Variants in XRRA1 observed in about 807,000 individuals in gnomAD.
The protein encoded by XRRA1 is X-ray radiation resistance-associated protein 1.
XRRA1 carries 69 observed loss-of-function variants against 80.2 expected under a neutral mutation model. The ratio of observed to expected loss-of-function variants is 0.86; its 90% confidence interval spans 0.71 to 1.05. XRRA1 has a LOEUF of 1.05. Ranked by LOEUF, XRRA1 falls within the 50% of genes least tolerant of loss-of-function variation. XRRA1 has a pLI of 0.00. For missense variants in XRRA1, 967 were observed against 976.4 expected, an observed-to-expected ratio of 0.99 and a Z score of 0.13; for synonymous variants, 348 against 389.9, an observed-to-expected ratio of 0.89 and a Z score of 1.27.
intron 7 of XRRA1, 144 bp from the exon 8 acceptor site, chr11:74,921,491 T>G: frequency 5.4e-6 from 6 of 1,109,524 alleles, no homozygotes; most frequent in Non-Finnish European, 7.6e-6. Flanking sequence ...ATTCAAGGTC[T>G]ACTAGAGTCA....
intron 14 of XRRA1, 52 bp downstream of exon 14, chr11:74,851,036 A>G (rs2039689841): frequency 1.4e-6 from 2 of 1,476,466 alleles, no homozygotes; most frequent in Non-Finnish European, 1.9e-6. Flanking sequence ...TGCATACATT[A>G]TAATAGGCTG....
intron 6 of XRRA1, among the ~76,000 whole-genome samples, chr11:74,929,884 A>G (rs1180870681): frequency 6.6e-6 from 1 of 152,066 alleles, no homozygotes; most frequent in African/African-American, 2.4e-5. Flanking sequence ...GACTGTATGC[A>G]CTCATTTCTA....
At chr11:74,911,369 G>C (rs890191554) in intron 8 of XRRA1, 26 of 152,094 alleles carry the variant, frequency 1.7e-4, no homozygotes, top group African/African-American at 6.3e-4. Context: ...GAGTGACCAT[G>C]CCTGGCCAAC....
chr11:74,881,378 C>G (rs2047537050), intron 10 of XRRA1, among the ~76,000 whole-genome samples: 2 of 151,150 alleles, frequency 1.3e-5, no homozygotes. Flanking sequence ...AGATGGGTTT[C>G]CTGAATACAG....
At position 74,843,063 on chromosome 11, in the gene XRRA1, TG is replaced by T; in HGVS notation, c.*136del. On this transcript the variant is annotated 3_prime_UTR_variant, in exon 19 of 19. Transcript: ENST00000684022. ...ATCCTGACAAGGGGATGCCACCTTGTGGCCAGCAAGTGGGGCCCAGCTGAGC... is the reference window on the plus strand; with the variant it reads ...ATCCTGACAAGGGGATGCCACCTTGTGCCAGCAAGTGGGGCCCAGCTGAGC... 8.2e-7 allele frequency: 1 copy of T among 1,226,878 alleles called. No individual in the cohort carries two copies. The highest frequency in any genetic ancestry group is 1.1e-6 in the Non-Finnish European group (1 of 908,282). 76.0% of individuals were successfully genotyped at this position (1,226,878 alleles called of 1,614,324 possible).
At position 74,906,349 on chromosome 11, in the gene XRRA1, G is replaced by T. The variant is rs763103269; in HGVS notation, c.893C>A (p.Pro298His). 6.2e-6 allele frequency: 10 copies of T among 1,613,816 alleles called. No individual in the cohort carries two copies. In the African/African-American group the frequency reaches 1.3e-4, roughly 22 times the overall value. Residue 298 changes from proline to histidine, a missense_variant, in exon 10 of 19, where the codon CCC (proline) becomes CAC (histidine). Physicochemically the swap from Pro to His is moderately conservative, Grantham distance 77 (BLOSUM62 -2). Coordinates refer to ENST00000684022, the MANE Select transcript of XRRA1 (RefSeq NM_001378157.1). ...CAGCATGAATTGGGGCTCTTTATGGGGACTTCCCCTGCCTCCATTCCAGTC... is the reference window on the plus strand; with the variant it reads ...CAGCATGAATTGGGGCTCTTTATGGTGACTTCCCCTGCCTCCATTCCAGTC... The part of the protein sequence containing the change: ...SVDWNGGRGS[P>H]HKEPQFMLQS...
chr11:74,912,331 T>C (rs2138485015), intron 8 of XRRA1, among the ~76,000 whole-genome samples: 1 of 152,318 alleles, frequency 6.6e-6, no homozygotes, highest in Admixed American at 6.5e-5. Context: ...ATTATGGCGC[T>C]AAGATTTGAA....
At chr11:74,858,398 A>C (rs2041605857) in intron 12 of XRRA1, among the ~76,000 whole-genome samples, 1 of 152,232 alleles carries the variant, frequency 6.6e-6, no homozygotes, top group East Asian at 1.9e-4. Flanking sequence ...ATTAAGTTGA[A>C]ATAAAGACCT....
intron 10 of XRRA1, among the ~76,000 whole-genome samples, chr11:74,900,110 A>G (rs1361997681): frequency 6.6e-6 from 1 of 151,902 alleles, no homozygotes; most frequent in Non-Finnish European, 1.5e-5. Context: ...GGTTGCAGTG[A>G]GCCGAGAAAC....
Position 74,921,366 on chromosome 11 carries a change from A to T in XRRA1, c.523-19T>A. ...CCAAGAACTGCCATGCAAAGATGAA[A>T]GATGGGGAAGGTAAGCACTCTGTGT... On this transcript the variant is annotated intron_variant, in intron 7 of 18. Transcript: ENST00000684022. 6.2e-7 allele frequency: 1 copy of T among 1,613,714 alleles called. No homozygotes were observed. The highest frequency in any genetic ancestry group is 8.5e-7 in the Non-Finnish European group (1 of 1,179,702).
intron 10 of XRRA1, among the ~76,000 whole-genome samples, chr11:74,891,131 G>A (rs893400253): frequency 3.9e-5 from 6 of 152,180 alleles, no homozygotes; most frequent in African/African-American, 1.4e-4. Context: ...TATCCCTGAT[G>A]AACATTGATG....
chr11:74,886,952 C>T (rs775391496), intron 10 of XRRA1, among the ~76,000 whole-genome samples: 13 of 152,100 alleles, frequency 8.5e-5, no homozygotes, highest in African/African-American at 1.7e-4. Context: ...AGTTGATGAA[C>T]ATAAACAACA....
At chr11:74,928,482 GC>G (rs535055869) in intron 6 of XRRA1, among the ~76,000 whole-genome samples, 59 of 152,282 alleles carry the variant, frequency 3.9e-4, no homozygotes, top group African/African-American at 1.4e-3. Context: ...AGCCAGGGTG[GC>G]TTTTGCATCC....
intron 10 of XRRA1, among the ~76,000 whole-genome samples, chr11:74,874,412 G>C (rs2045615173): frequency 6.6e-6 from 1 of 152,080 alleles, no homozygotes; most frequent in African/African-American, 2.4e-5. Flanking sequence ...CAGAAAGGAA[G>C]GGAATGGCCC....
intron 6 of XRRA1, 138 bp downstream of exon 6, chr11:74,930,162 T>G: frequency 1.3e-6 from 1 of 751,300 alleles, no homozygotes; most frequent in Non-Finnish European, 2.2e-6. Context: ...CTTTGTGCTC[T>G]CCAGCACCCA....
intron 8 of XRRA1, among the ~76,000 whole-genome samples, chr11:74,916,409 TC>T (rs1938696309): frequency 6.6e-6 from 1 of 152,190 alleles, no homozygotes; most frequent in African/African-American, 2.4e-5. Context: ...TGTTCTGTCT[TC>T]AAGTTTGCTG....
intron 10 of XRRA1, among the ~76,000 whole-genome samples, chr11:74,868,453 T>C (rs907001489): frequency 6.6e-6 from 1 of 152,182 alleles, no homozygotes; most frequent in Admixed American, 6.5e-5. Context: ...ATTAACACTA[T>C]AAAGCAACCA....
At chr11:74,891,823 A>G (rs1212829442) in intron 10 of XRRA1, among the ~76,000 whole-genome samples, 1 of 152,206 alleles carries the variant, frequency 6.6e-6, no homozygotes, top group Non-Finnish European at 1.5e-5. Flanking sequence ...AAGAGAATAA[A>G]ATACCTAGGA....
intron 8 of XRRA1, chr11:74,919,635 A>G: frequency 1.8e-6 from 1 of 559,352 alleles, no homozygotes; most frequent in Non-Finnish European, 3.5e-6. Context: ...CCGTTCTGCC[A>G]TCAATGAGGT....
Sources: allele counts gnomAD v4.1 joint callset (sites outside exome capture counted in the v4.1 genomes callset), GRCh38; gene constraint gnomAD v4.1.1; transcripts MANE v1.5; gene names NCBI Gene and HGNC (gene_info 2026-07-23, HGNC 2026-07-21).